The following ZFHX3 variants were observed in gnomAD, a reference collection of about 807,000 sequenced individuals.
ZFHX3 encodes the protein zinc finger homeobox protein 3.
A neutral mutation model predicts 279.1 loss-of-function variants in ZFHX3; 42 were observed. The observed-to-expected ratio is 0.15, with a 90% confidence interval of 0.12 to 0.19. The LOEUF (loss-of-function observed/expected upper bound fraction) is 0.19. Ranked by LOEUF, ZFHX3 falls within the 10% of genes least tolerant of loss-of-function variation. The pLI is 1.00. For synonymous variants in ZFHX3, 2,293 were observed against 1,957.8 expected, an observed-to-expected ratio of 1.17 and a Z score of -4.52; for missense variants, 4,981 against 4,754.0, an observed-to-expected ratio of 1.05 and a Z score of -1.40.
At chr16:73,110,678 C>A (rs79434308) in intron 7 of ZFHX3, among the ~76,000 whole-genome samples, 1,959 of 152,130 alleles carry the variant, frequency 0.013, 34 homozygotes, top group African/African-American at 0.043. Flanking sequence ...ATCCTCCCAC[C>A]CCTGCCTCCC....
intron 4 of ZFHX3, among the ~76,000 whole-genome samples, chr16:73,284,726 A>G (rs1477428943): frequency 6.6e-6 from 1 of 152,202 alleles, no homozygotes; most frequent in South Asian, 2.1e-4. Flanking sequence ...TTATTCAAAG[A>G]GTCTCCCCTT....
intron 1 of ZFHX3, among the ~76,000 whole-genome samples, chr16:73,748,278 T>C (rs531455048): frequency 2.7e-4 from 41 of 152,316 alleles, no homozygotes; most frequent in African/African-American, 8.2e-4. Flanking sequence ...TAACTACATG[T>C]CATACAAAAG....
At chr16:73,413,449 C>T (rs925432805) in intron 3 of ZFHX3, among the ~76,000 whole-genome samples, 2 of 152,142 alleles carry the variant, frequency 1.3e-5, no homozygotes, top group African/African-American at 2.4e-5. Flanking sequence ...ATGTAATTGA[C>T]CCCAAGACAT....
intron 1 of ZFHX3, among the ~76,000 whole-genome samples, chr16:73,883,836 G>C (rs2030258956): frequency 1.3e-5 from 2 of 152,052 alleles, no homozygotes; most frequent in Admixed American, 6.6e-5. Flanking sequence ...TTACTGCCAA[G>C]GTCTCCATAA....
rs540585479 is a variant in ZFHX3 at position 72,993,051 on chromosome 16, G to A, written c.-49-32857C>T. 5.3e-5 allele frequency among the ~76,000 whole-genome samples: 8 copies of A among 152,336 alleles called. No homozygotes were observed. In the South Asian group the frequency reaches 1.4e-3, roughly 28 times the overall value. The stretch of plus-strand genomic sequence containing the variant: ...ACTCCCAGGCTGAGGCAGGAGAATC[G>A]CTTGAACCTGGGAGGTGGAGGCTGT... On this transcript the variant is annotated intron_variant, in intron 1 of 9. Transcript: ENST00000268489.
chr16:73,655,205 C>G (rs531856423), intron 2 of ZFHX3, among the ~76,000 whole-genome samples: 1 of 152,092 alleles, frequency 6.6e-6, no homozygotes, highest in Non-Finnish European at 1.5e-5. Context: ...TTCCTCATTT[C>G]GCATCTTTGA....
At chr16:73,706,845 C>T (rs1279112442) in intron 1 of ZFHX3, among the ~76,000 whole-genome samples, 12 of 152,204 alleles carry the variant, frequency 7.9e-5, no homozygotes, top group Admixed American at 7.9e-4. Context: ...TGCTTTGTCA[C>T]ACAGCCTCCT....
chr16:73,359,281 G>C (rs1297095228), intron 3 of ZFHX3, among the ~76,000 whole-genome samples: 1 of 151,898 alleles, frequency 6.6e-6, no homozygotes, highest in Non-Finnish European at 1.5e-5. Context: ...CTCGAAGTGG[G>C]CACAAAAGGA....
chr16:72,858,026 T>C (rs953453888), intron 4 of ZFHX3, among the ~76,000 whole-genome samples: 1 of 152,114 alleles, frequency 6.6e-6, no homozygotes, highest in Non-Finnish European at 1.5e-5. Flanking sequence ...TCAGAACTAA[T>C]CTCTGTGCTG....
intron 1 of ZFHX3, among the ~76,000 whole-genome samples, chr16:72,993,396 G>A (rs1036567798): frequency 2.0e-5 from 3 of 152,164 alleles, no homozygotes; most frequent in African/African-American, 7.2e-5. Flanking sequence ...CCCCCCTACC[G>A]TTAGCTGCCT....
chr16:72,928,204 G>GGGGGAGCGAGGGGGAGCGAA (rs1959589744), intron 3 of ZFHX3, among the ~76,000 whole-genome samples: 1 of 125,452 alleles, frequency 8.0e-6, no homozygotes, highest in African/African-American at 3.0e-5. Context: ...AGGGGAGCGA[G>GGGGGAGCGAGGGGGAGCGAA]GGGGAGCGAA....
At chr16:73,298,549 G>C (rs1468206115) in intron 4 of ZFHX3, among the ~76,000 whole-genome samples, 6 of 146,470 alleles carry the variant, frequency 4.1e-5, no homozygotes, top group Admixed American at 6.8e-5. Flanking sequence ...AAGAGAGACT[G>C]TTGTTGATTG....
At chr16:73,656,200 C>A (rs1264780505) in intron 2 of ZFHX3, among the ~76,000 whole-genome samples, 1 of 152,192 alleles carries the variant, frequency 6.6e-6, no homozygotes, top group Non-Finnish European at 1.5e-5. Flanking sequence ...GATAGCAGAA[C>A]TGAGTACCTG....
chr16:73,406,990 T>C (rs975364801), intron 3 of ZFHX3, among the ~76,000 whole-genome samples: 2 of 152,216 alleles, frequency 1.3e-5, no homozygotes, highest in South Asian at 2.1e-4. Flanking sequence ...GTTTTGGTGA[T>C]GCCCTCCTCC....
intron 4 of ZFHX3, among the ~76,000 whole-genome samples, chr16:72,854,116 C>G (rs970554179): frequency 6.6e-6 from 1 of 152,168 alleles, no homozygotes; most frequent in Non-Finnish European, 1.5e-5. Context: ...CAGAAGTAAG[C>G]GAAGCAATTA....
intron 1 of ZFHX3, among the ~76,000 whole-genome samples, chr16:73,758,632 C>T (rs2053834486): frequency 6.6e-6 from 1 of 152,156 alleles, no homozygotes; most frequent in South Asian, 2.1e-4. Flanking sequence ...GGATAAGTGG[C>T]CTGGTCTGAA....
At chr16:73,708,359 C>T (rs996780678) in intron 1 of ZFHX3, among the ~76,000 whole-genome samples, 3 of 152,146 alleles carry the variant, frequency 2.0e-5, no homozygotes, top group African/African-American at 7.2e-5. Context: ...ACAAAAGCAA[C>T]AAAAACTCAG....
At chr16:73,771,862 T>C (rs1251515925) in intron 1 of ZFHX3, among the ~76,000 whole-genome samples, 2 of 150,698 alleles carry the variant, frequency 1.3e-5, no homozygotes, top group East Asian at 3.9e-4. Context: ...CTAATCCTTT[T>C]CTCTCATTGA....
intron 1 of ZFHX3, among the ~76,000 whole-genome samples, chr16:73,818,782 TCA>T (rs1960652659): frequency 6.6e-6 from 1 of 152,196 alleles, no homozygotes; most frequent in Non-Finnish European, 1.5e-5. Flanking sequence ...CTTAAATTGC[TCA>T]CAGTTTGGGC....
Sources: gnomAD v4.1 joint callset for allele counts (sites outside exome capture counted in the v4.1 genomes callset) on GRCh38, gnomAD v4.1.1 for gene constraint, MANE v1.5 for transcripts, NCBI Gene and HGNC (gene_info 2026-07-23, HGNC 2026-07-21) for gene names.